Variants in PTDSS2 observed in about 807,000 individuals in gnomAD.
PTDSS2 encodes phosphatidylserine synthase 2, also known as PSS-2.
PTDSS2 carries 41 observed loss-of-function variants against 64.7 expected under a neutral mutation model. The observed-to-expected ratio is 0.63, with a 90% CI of 0.49 to 0.82. The LOEUF is 0.82. PTDSS2 is among the 40% of genes least tolerant of loss of function. The pLI is 0.00. For missense variants in PTDSS2, 485 were observed against 650.0 expected, an observed-to-expected ratio of 0.75 and a Z score of 2.76; for synonymous variants, 297 against 277.8, an observed-to-expected ratio of 1.07 and a Z score of -0.69.
intron 4 of PTDSS2, among the ~76,000 whole-genome samples, chr11:485,239 C>A (rs936678956): frequency 7.8e-6 from 1 of 127,544 alleles, no homozygotes; most frequent in African/African-American, 3.2e-5. Flanking sequence ...GTGTAAACTG[C>A]ACGGGCGCGT....
In PTDSS2 at chr11:489,528, G is replaced by A. The variant is rs766070993; in HGVS notation, c.969+14G>A. On this transcript the variant is annotated intron_variant, in intron 9 of 11. Coordinates refer to ENST00000308020, the MANE Select transcript of PTDSS2 (RefSeq NM_030783.3). Reference sequence around the variant, plus strand: ...ATCATCCTGGTGGTAAGGCCGGGCTGCCTCGCGACGGCGCGGCGGGCGGGG... The same window carrying A: ...ATCATCCTGGTGGTAAGGCCGGGCTACCTCGCGACGGCGCGGCGGGCGGGG... 4 of 1,611,026 alleles carry A rather than the reference G, an allele frequency of 2.5e-6. No homozygotes were observed. The highest frequency in any genetic ancestry group is 4.5e-5 in the East Asian group (2 of 44,776).
intron 4 of PTDSS2, 100 bp from the exon 5 acceptor site, chr11:486,839 C>G (rs1187774084): frequency 3.0e-5 from 44 of 1,449,700 alleles, no homozygotes; most frequent in Admixed American, 2.2e-5. Context: ...CAGAGCGAGA[C>G]TCCATCTCAA....
chr11:452,621 G>A (rs760572331), intron 1 of PTDSS2, among the ~76,000 whole-genome samples: 4 of 152,182 alleles, frequency 2.6e-5, no homozygotes, highest in Non-Finnish European at 5.9e-5. Flanking sequence ...GGGTCTTCTG[G>A]GTGGGTGGCT....
upstream of PTDSS2, among the ~76,000 whole-genome samples, chr11:449,720 C>T (rs1252037007): frequency 6.6e-6 from 1 of 152,034 alleles, no homozygotes; most frequent in African/African-American, 2.4e-5. Flanking sequence ...GAGGCCGAGG[C>T]GGCAGATCAC....
intron 1 of PTDSS2, among the ~76,000 whole-genome samples, chr11:457,452 G>A (rs910500350): frequency 6.6e-5 from 10 of 152,148 alleles, no homozygotes; most frequent in Admixed American, 2.0e-4. Flanking sequence ...CTTTTGAGAC[G>A]GGATCTCACG....
intron 4 of PTDSS2, among the ~76,000 whole-genome samples, chr11:485,601 G>A (rs1340708447): frequency 1.5e-5 from 2 of 134,798 alleles, no homozygotes; most frequent in African/African-American, 6.0e-5. Context: ...GCACGGGCGC[G>A]TGTGCTCACT....
chr11:490,813 C>T lies in PTDSS2; in HGVS notation c.*231C>T, dbSNP rs75506681. The T allele has an allele frequency of 1.6e-4, 52 of 334,536 alleles. No individual in the cohort carries two copies. The highest frequency in any genetic ancestry group is 3.7e-4 in the Admixed American group (6 of 16,034). The allele number at this position is 334,536 out of a possible 1,614,324, so 20.7% of individuals were successfully genotyped here. ...GCGTGTGTGTACGCGTGTGTACGCG[C>T]GTGTGTACACATGCGTGGCCGCCTG... On this transcript the variant is annotated 3_prime_UTR_variant, in exon 12 of 12. Coordinates refer to ENST00000308020, the MANE Select transcript of PTDSS2 (RefSeq NM_030783.3).
intron 4 of PTDSS2, among the ~76,000 whole-genome samples, chr11:485,978 G>A (rs1259253656): frequency 1.5e-5 from 2 of 129,104 alleles, no homozygotes; most frequent in African/African-American, 3.1e-5. Context: ...TGTGCTCACC[G>A]TGCGCGCAGG....
intron 1 of PTDSS2, among the ~76,000 whole-genome samples, chr11:455,841 T>C (rs1846563851): frequency 6.6e-6 from 1 of 152,238 alleles, no homozygotes; most frequent in Admixed American, 6.5e-5. Context: ...CTCTCCTGTA[T>C]TGGTCTCACT....
chr11:460,096 T>C lies in PTDSS2; in HGVS notation c.183-91T>C. ...GGAGAGTGGAGTTTAAGCCCTCTCC[T>C]TGACGTAGAGAGGATTTGGGGCCTG... On this transcript the variant is annotated intron_variant, in intron 1 of 11. Transcript: ENST00000308020. The surrounding 1 kb of genome is among the most constrained non-coding windows in gnomAD (Gnocchi z 5.8). 3 of 994,442 alleles carry C rather than the reference T, an allele frequency of 3.0e-6. No individual in the cohort carries two copies. The highest frequency in any genetic ancestry group is 3.1e-6 in the Non-Finnish European group (2 of 639,148). The allele number at this position is 994,442 out of a possible 1,614,324, so 61.6% of individuals were successfully genotyped here. A position where few individuals can be genotyped will look rare whatever the true frequency, so the allele number is the denominator to read the frequency against.
intron 6 of PTDSS2, among the ~76,000 whole-genome samples, chr11:487,790 G>T (rs1316525657): frequency 6.6e-6 from 1 of 152,156 alleles, no homozygotes. Context: ...GGGGCTAAGA[G>T]CAGTGCCTGC....
rs572851202 is a variant in PTDSS2, at chr11:464,671, G to A, written c.284+4383G>A. Among the ~76,000 whole-genome samples the A allele has an allele frequency of 3.9e-5, 6 of 152,358 alleles. No individual in the cohort carries two copies. In the East Asian group the frequency reaches 7.7e-4, roughly 20 times the overall value. On this transcript the variant is annotated intron_variant, in intron 2 of 11. Transcript: ENST00000308020. Reference sequence around the variant, plus strand: ...GGGCTCACTGGGGAGCTTCCGTTGCGTGGACACGGCACCGTTCACTGATCT... The same window carrying A: ...GGGCTCACTGGGGAGCTTCCGTTGCATGGACACGGCACCGTTCACTGATCT...
In PTDSS2 at chr11:476,168, C is replaced by G. The variant is rs1463743096; in HGVS notation, c.367+2191C>G. 6.6e-6 allele frequency among the ~76,000 whole-genome samples: 1 copy of G among 152,208 alleles called. No homozygotes were observed. The highest frequency in any genetic ancestry group is 1.5e-5 in the Non-Finnish European group (1 of 68,038). On this transcript the variant is annotated intron_variant, in intron 3 of 11. Coordinates refer to ENST00000308020, the MANE Select transcript of PTDSS2 (RefSeq NM_030783.3). This position sits in a 1 kb window ranked among gnomAD's most constrained non-coding sequence, Gnocchi z 4.9. Reference sequence around the variant, plus strand: ...CTCCTTGAGTGCCTGGCAGGCCACTCTGCTGGCTGACAGCTGTGTGGGAAG... The same window carrying G: ...CTCCTTGAGTGCCTGGCAGGCCACTGTGCTGGCTGACAGCTGTGTGGGAAG...
At chr11:490,162 C>CA (rs1848606581) in intron 11 of PTDSS2, 94 bp downstream of exon 11, 1 of 1,368,042 alleles carries the variant, frequency 7.3e-7, no homozygotes, top group African/African-American at 1.4e-5. Flanking sequence ...GTTGGTGTCT[C>CA]ACTGTCCCTG....
intron 2 of PTDSS2, among the ~76,000 whole-genome samples, chr11:472,823 G>C (rs975245105): frequency 6.6e-6 from 1 of 152,144 alleles, no homozygotes; most frequent in Non-Finnish European, 1.5e-5. Flanking sequence ...CCACACGAAC[G>C]TGCGTGTGTG....
chr11:454,375 A>G (rs1026962639), intron 1 of PTDSS2, among the ~76,000 whole-genome samples: 2 of 152,028 alleles, frequency 1.3e-5, no homozygotes, highest in Admixed American at 1.3e-4. Flanking sequence ...TTTATATTTC[A>G]GGTAATCTCT....
In PTDSS2 at chr11:451,129, T is replaced by G. The variant is rs548543092; in HGVS notation, c.182+492T>G. On this transcript the variant is annotated intron_variant, in intron 1 of 11. Coordinates refer to ENST00000308020, the MANE Select transcript of PTDSS2 (RefSeq NM_030783.3). Reference sequence around the variant, plus strand: ...GCCCGACCCCACGTGGCGATCGTGTTGATTAGCAGAGTGTTGTGCGTGCTT... The same window carrying G: ...GCCCGACCCCACGTGGCGATCGTGTGGATTAGCAGAGTGTTGTGCGTGCTT... Among the ~76,000 whole-genome samples the G allele has an allele frequency of 3.9e-5, 6 of 152,354 alleles. No homozygotes were observed. The South Asian group carries it at 6.2e-4, about 16-fold the overall frequency.
intron 1 of PTDSS2, chr11:459,864 GTC>G (rs1272558389): frequency 3.0e-6 from 1 of 334,388 alleles, no homozygotes; most frequent in African/African-American, 2.1e-5. Flanking sequence ...TGTTTTACGT[GTC>G]CAGTTGCTCT....
chr11:481,152 A>G (rs1848054031), intron 4 of PTDSS2, among the ~76,000 whole-genome samples: 1 of 151,184 alleles, frequency 6.6e-6, no homozygotes, highest in Non-Finnish European at 1.5e-5. Context: ...GTGAGCCACC[A>G]CGCGCGGCCT....
Sources: allele counts gnomAD v4.1 joint callset (sites outside exome capture counted in the v4.1 genomes callset), GRCh38; gene constraint gnomAD v4.1.1; non-coding constraint Gnocchi (gnomAD v3.1); transcripts MANE v1.5; gene names NCBI Gene and HGNC (gene_info 2026-07-23, HGNC 2026-07-21).